TAAR5: variants seen among roughly 807,000 people sequenced by gnomAD.
TAAR5 encodes the protein trace amine-associated receptor 5.
In TAAR5, 27 loss-of-function variants were observed where a neutral mutation model predicts 21.1. The ratio of observed to expected loss-of-function variants is 1.28; its 90% CI spans 0.94 to 1.76. The LOEUF (loss-of-function observed/expected upper bound fraction) is 1.76, where lower values mean the gene tolerates loss of function less well. TAAR5 is among the 40% of genes most tolerant of loss of function. The probability of loss-of-function intolerance (pLI) is 0.00; values close to 1 mark genes in which losing one functional copy is unlikely to be tolerated. For synonymous variants in TAAR5, 203 were observed against 167.5 expected, an observed-to-expected ratio of 1.21 and a Z score of -1.64; for missense variants, 495 against 405.6, an observed-to-expected ratio of 1.22 and a Z score of -1.89.
At chr6:132,590,824 T>C (rs1366590257), upstream of TAAR5, among the ~76,000 whole-genome samples, 1 of 152,220 alleles carries the variant, frequency 6.6e-6, no homozygotes, top group African/African-American at 2.4e-5. Flanking sequence ...TCTGGGATGT[T>C]TTGAAGGTAT....
In TAAR5 at chr6:132,589,017, C is replaced by A. The variant is rs768639360; in HGVS notation, c.670G>T (p.Val224Leu). 2 of 1,613,910 alleles carry A rather than the reference C, an allele frequency of 1.2e-6. No homozygotes were observed. Among genetic ancestry groups the A allele is most frequent in the African/African-American group, 2.7e-5 (2 of 74,898 alleles). ...IMISLYVKIF[V>L]VATRQAQQIT... ...TGCTGAGCCTGTCTGGTAGCAACCA[C>A]AAAGATCTTCACATACAAGCTGATC... The change falls in exon 1 of 1, where the codon GTG becomes TTG. Residue 224 changes from valine to leucine, a missense_variant. Coordinates refer to ENST00000258034, the MANE Select transcript of TAAR5 (RefSeq NM_003967.3).
the TAAR5 span, among the ~76,000 whole-genome samples, chr6:132,603,928 AAGTTGCTAAATG>A: frequency 7.3e-5 from 10 of 136,908 alleles, no homozygotes; most frequent in African/African-American, 2.4e-4. Context: ...AAGGTGTTAA[AAGTTGCTAAATG>A]TATATACAGA....
the TAAR5 span, among the ~76,000 whole-genome samples, chr6:132,597,953 C>G: frequency 2.6e-5 from 4 of 151,924 alleles, no homozygotes; most frequent in African/African-American, 9.7e-5. Context: ...TTTTTTTCTC[C>G]AGTACTAGAA....
the TAAR5 span, chr6:132,594,990 G>A: frequency 1.1e-4 from 17 of 152,198 alleles, no homozygotes; most frequent in African/African-American, 4.1e-4. Flanking sequence ...AGAGTTCTAT[G>A]ACAGGGATGG....
At chr6:132,595,173 G>C in the TAAR5 span, 1 of 153,234 alleles carries the variant, frequency 6.5e-6, no homozygotes, top group Non-Finnish European at 1.5e-5. Flanking sequence ...TCACACTGAA[G>C]GGCATGACCA....
At position 132,589,340 on chromosome 6, in the gene TAAR5, AG is replaced by A; in HGVS notation, c.346del (p.Leu116SerfsTer33). On this transcript the variant is annotated frameshift_variant, in exon 1 of 1. Coordinates refer to ENST00000258034, the MANE Select transcript of TAAR5 (RefSeq NM_003967.3). LOFTEE classifies it high-confidence loss of function. ...LCRLHTYLDTLFCLTSIFHLC... is the reference protein window; with the variant it reads ...LCRLHTYLDTXFCLTSIFHLC... ...ATGGAAGATGGAGGTGAGGCAGAAG[AG>A]GGTGTCCAGGTAGGTGTGCAGGCGG... is the stretch of plus-strand genomic sequence containing the variant. The A allele has an allele frequency of 1.2e-6, 2 of 1,614,028 alleles. No homozygotes were observed. Among genetic ancestry groups the A allele is most frequent in the East Asian group, 4.5e-5 (2 of 44,856 alleles).
chr6:132,607,829 T>C, the TAAR5 span, among the ~76,000 whole-genome samples: 4 of 152,188 alleles, frequency 2.6e-5, no homozygotes, highest in South Asian at 6.2e-4. Flanking sequence ...ACTTCCTTCA[T>C]GGACCCACAG....
chr6:132,612,105 C>G, the TAAR5 span, among the ~76,000 whole-genome samples: 9 of 152,242 alleles, frequency 5.9e-5, no homozygotes, highest in East Asian at 1.2e-3. Context: ...TTGTGAACAT[C>G]TAGCCTGGGC....
At chr6:132,606,324 A>G in the TAAR5 span, among the ~76,000 whole-genome samples, 743 of 152,322 alleles carry the variant, frequency 4.9e-3, 7 homozygotes, top group African/African-American at 0.017. Context: ...AAGAATTTTT[A>G]AAACAGGAAC....
At chr6:132,592,055 A>G (rs1776914474), upstream of TAAR5, among the ~76,000 whole-genome samples, 1 of 152,232 alleles carries the variant, frequency 6.6e-6, no homozygotes. Context: ...TGACTTTTAG[A>G]AATACATTCC....
At chr6:132,615,255 A>G in the TAAR5 span, among the ~76,000 whole-genome samples, 10 of 152,204 alleles carry the variant, frequency 6.6e-5, no homozygotes, top group African/African-American at 2.4e-4. Context: ...GTTTCCGTAT[A>G]TTGAAAATAC....
At chr6:132,598,227 G>A in the TAAR5 span, among the ~76,000 whole-genome samples, 1 of 152,082 alleles carries the variant, frequency 6.6e-6, no homozygotes, top group Non-Finnish European at 1.5e-5. Context: ...GAAATTATTG[G>A]TAAATTAGAT....
At chr6:132,590,145 T>C (rs1216676715), upstream of TAAR5, among the ~76,000 whole-genome samples, 2 of 152,240 alleles carry the variant, frequency 1.3e-5, no homozygotes, top group African/African-American at 4.8e-5. Flanking sequence ...AGTGACCAAT[T>C]AATTCTTGTT....
At chr6:132,615,044 A>G in the TAAR5 span, among the ~76,000 whole-genome samples, 1 of 152,104 alleles carries the variant, frequency 6.6e-6, no homozygotes, top group Non-Finnish European at 1.5e-5. Flanking sequence ...TTGTATTTTT[A>G]GTAGAGACAG....
At chr6:132,598,952 T>A in the TAAR5 span, among the ~76,000 whole-genome samples, 1 of 152,234 alleles carries the variant, frequency 6.6e-6, no homozygotes, top group African/African-American at 2.4e-5. Flanking sequence ...TGCTTGATAA[T>A]GCATTGATTC....
chr6:132,612,103 A>G, the TAAR5 span, among the ~76,000 whole-genome samples: 2 of 152,282 alleles, frequency 1.3e-5, no homozygotes, highest in East Asian at 3.9e-4. Flanking sequence ...TGTTGTGAAC[A>G]TCTAGCCTGG....
the TAAR5 span, among the ~76,000 whole-genome samples, chr6:132,600,442 T>C: frequency 1.3e-5 from 2 of 152,070 alleles, no homozygotes; most frequent in African/African-American, 2.4e-5. Context: ...TCTCCCAACC[T>C]GACAGCTTAA....
the TAAR5 span, among the ~76,000 whole-genome samples, chr6:132,603,965 T>C: frequency 6.6e-6 from 1 of 152,094 alleles, no homozygotes; most frequent in Non-Finnish European, 1.5e-5. Flanking sequence ...CTTCTGCTTA[T>C]AAGTTATAAT....
chr6:132,599,029 A>G, the TAAR5 span, among the ~76,000 whole-genome samples: 51 of 152,332 alleles, frequency 3.3e-4, 2 homozygotes, highest in African/African-American at 1.1e-3. Context: ...TGCAAAAGTC[A>G]GTGATATTCC....
Sources: allele counts gnomAD v4.1 joint callset (sites outside exome capture counted in the v4.1 genomes callset), GRCh38; gene constraint gnomAD v4.1.1; transcripts MANE v1.5; gene names NCBI Gene and HGNC (gene_info 2026-07-23, HGNC 2026-07-21).